Variants in ORMDL3 observed in about 807,000 individuals in gnomAD.
ORMDL3 encodes the protein ORM1-like protein 3.
Under a neutral mutation model 12.6 loss-of-function variants are expected in ORMDL3, and 6 were observed. That is an observed-to-expected ratio of 0.48 (90% confidence interval 0.26 to 0.94). The LOEUF (loss-of-function observed/expected upper bound fraction) is 0.94, where lower values mean the gene tolerates loss of function less well. ORMDL3 is among the 40% of genes least tolerant of loss of function. The pLI is 0.14. For synonymous variants in ORMDL3, 99 were observed against 87.2 expected (o/e 1.14, Z -0.75); for missense variants, 159 against 205.5 (o/e 0.77, Z 1.38).
chr17:39,926,424 A>G (rs2144751828), intron 1 of ORMDL3: 1 of 152,428 alleles, frequency 6.6e-6, no homozygotes, highest in East Asian at 1.9e-4. Context: ...ATGGATACAT[A>G]TCACTTCCAT....
intron 1 of ORMDL3, chr17:39,925,865 A>T (rs1184657957): frequency 6.6e-6 from 1 of 152,248 alleles, no homozygotes; most frequent in Non-Finnish European, 1.5e-5. Flanking sequence ...AAATTCAAGT[A>T]TCTAGAAAGC....
intron 1 of ORMDL3, chr17:39,925,462 G>A (rs1263122626): frequency 1.3e-5 from 2 of 152,188 alleles, no homozygotes; most frequent in African/African-American, 4.8e-5. Context: ...AAGACCGTAA[G>A]GTCATCACCA....
intron 1 of ORMDL3, 95 bp downstream of exon 1, chr17:39,927,389 C>T (rs1978491272): frequency 1.0e-6 from 1 of 952,584 alleles, no homozygotes; most frequent in African/African-American, 1.8e-5. Context: ...CCCTCTGCCC[C>T]CGTCTCTCCA....
rs1978295351 is a variant in ORMDL3, at chr17:39,921,503, G to A, written c.*1047C>T. 1 of 152,388 alleles carries A rather than the reference G, an allele frequency of 6.6e-6. No individual in the cohort carries two copies. The allele number at this position is 152,388 out of a possible 1,614,324, so 9.4% of individuals were successfully genotyped here. ...CCTGCCCAGTGCCAGTCTGTATGAGGAAGTTAAGGGGTGAGGGCCTGCAGA... is the reference window on the plus strand; with the variant it reads ...CCTGCCCAGTGCCAGTCTGTATGAGAAAGTTAAGGGGTGAGGGCCTGCAGA... On this transcript the variant is annotated 3_prime_UTR_variant, in exon 4 of 4. Coordinates refer to ENST00000304046, the MANE Select transcript of ORMDL3 (RefSeq NM_139280.4).
chr17:39,924,237 C>G lies in ORMDL3; in HGVS notation c.-22-12G>C, dbSNP rs748865355. 103 of 1,573,822 alleles carry G rather than the reference C, an allele frequency of 6.5e-5. No homozygotes were observed. The highest frequency in any genetic ancestry group is 8.6e-5 in the Non-Finnish European group (100 of 1,158,360). On this transcript the variant is annotated splice_polypyrimidine_tract_variant and intron_variant, in intron 1 of 3. Transcript: ENST00000304046. Reference sequence around the variant, plus strand: ...CCCTCTCTGCTGTTCTGCAAACAAGCAGCACAGGTCAGACAGGTCACACTG... The same window carrying G: ...CCCTCTCTGCTGTTCTGCAAACAAGGAGCACAGGTCAGACAGGTCACACTG...
rs1356022495 is a variant in ORMDL3, at chr17:39,921,227, TG to T, written c.*1322del. 6.5e-6 allele frequency: 1 copy of T among 152,716 alleles called. No homozygotes were observed. The highest frequency in any genetic ancestry group is 2.4e-5 in the African/African-American group (1 of 41,446). 9.5% of individuals were successfully genotyped at this position (152,716 alleles called of 1,614,324 possible). A position where few individuals can be genotyped will look rare whatever the true frequency, so the allele number is the denominator to read the frequency against. The stretch of plus-strand genomic sequence containing the variant: ...GACCTCTCCCGTTCCCTTGGACCCC[TG>T]GAAGAGGACACAGGGACCCACACCT... On this transcript the variant is annotated 3_prime_UTR_variant, in exon 4 of 4. Coordinates refer to ENST00000304046, the MANE Select transcript of ORMDL3 (RefSeq NM_139280.4).
At position 39,924,098 on chromosome 17, in the gene ORMDL3, C is replaced by A; in HGVS notation, c.106G>T (p.Val36Leu). Residue 36 changes from valine to leucine, a missense_variant, in exon 2 of 4, where the codon GTG becomes TTG. By Grantham distance (32) the Val-to-Leu change is conservative. Coordinates refer to ENST00000304046, the MANE Select transcript of ORMDL3 (RefSeq NM_139280.4). ...YVLAIGLLHI[V>L]LLSIPFVSVP... ...CTCACAAACGGGATGCTCAGCAGCACGATGTGGAGGAGACCGATGGCCAGC... is the reference window on the plus strand; with the variant it reads ...CTCACAAACGGGATGCTCAGCAGCAAGATGTGGAGGAGACCGATGGCCAGC... 1 of 1,614,034 alleles carries A rather than the reference C, an allele frequency of 6.2e-7. No individual in the cohort carries two copies. The highest frequency in any genetic ancestry group is 8.5e-7 in the Non-Finnish European group (1 of 1,179,960).
chr17:39,923,011 T>A (rs990560942), intron 3 of ORMDL3, 101 bp downstream of exon 3: 2 of 1,478,408 alleles, frequency 1.4e-6, no homozygotes, highest in Non-Finnish European at 1.9e-6. Context: ...TGTTCATCCC[T>A]ACACCAGGAG....
intron 2 of ORMDL3, 132 bp downstream of exon 2, chr17:39,923,898 G>A: frequency 1.1e-6 from 1 of 915,608 alleles, no homozygotes. Flanking sequence ...GGGCTCTGGA[G>A]GCAGATGTCG....
At chr17:39,923,484 C>T (rs567092433) in intron 2 of ORMDL3, among the ~76,000 whole-genome samples, 5 of 151,448 alleles carry the variant, frequency 3.3e-5, no homozygotes, top group Middle Eastern at 3.5e-3. Flanking sequence ...TGAGAATGCA[C>T]GGTGGAAGTT....
At position 39,924,015 on chromosome 17, in the gene ORMDL3, C is replaced by T; in HGVS notation, c.174+15G>A. Reference sequence around the variant, plus strand: ...CAGGGGCAGGGGCAGGGGCAGGCAGCAGACAGGCTCTCACCATGTTGTGAA... The same window carrying T: ...CAGGGGCAGGGGCAGGGGCAGGCAGTAGACAGGCTCTCACCATGTTGTGAA... On this transcript the variant is annotated intron_variant, in intron 2 of 3. Coordinates refer to ENST00000304046, the MANE Select transcript of ORMDL3 (RefSeq NM_139280.4). The T allele has an allele frequency of 6.3e-7, 1 of 1,582,666 alleles. No homozygotes were observed.
intron 1 of ORMDL3, chr17:39,926,621 T>A (rs1402748702): frequency 8.0e-6 from 2 of 249,136 alleles, no homozygotes; most frequent in Non-Finnish European, 1.3e-5. Flanking sequence ...GCAGCAACTC[T>A]GTTGTGTTAA....
chr17:39,926,554 T>C (rs12603332), intron 1 of ORMDL3: 76,017 of 155,016 alleles, frequency 0.49, 19,086 homozygotes, highest in East Asian at 0.72. Flanking sequence ...AGCTGGCAGG[T>C]GGCTGCTTAG....
Position 39,927,415 on chromosome 17 carries a change from C to G in ORMDL3, c.-23+69G>C, listed in dbSNP as rs560257660. 4 of 985,148 alleles carry G rather than the reference C, an allele frequency of 4.1e-6. No homozygotes were observed. The South Asian group carries it at 1.4e-4, about 35-fold the overall frequency. 61.0% of individuals were successfully genotyped at this position (985,148 alleles called of 1,614,324 possible). A position where few individuals can be genotyped will look rare whatever the true frequency, so the allele number is the denominator to read the frequency against. On this transcript the variant is annotated intron_variant, in intron 1 of 3. Coordinates refer to ENST00000304046, the MANE Select transcript of ORMDL3 (RefSeq NM_139280.4). The stretch of plus-strand genomic sequence containing the variant: ...CGTCTCTCCAGCCCGGGGCGCCTCC[C>G]CAGCAGCCCCCACCTTCTCTCCCGC...
At chr17:39,927,343 AC>A in intron 1 of ORMDL3, 140 bp downstream of exon 1, 1 of 496,286 alleles carries the variant, frequency 2.0e-6, no homozygotes, top group Admixed American at 7.5e-5. Context: ...CAGCCGATGC[AC>A]CCCCTCGGCT....
In ORMDL3 at chr17:39,921,758, AT is replaced by A. The variant is rs1432641486; in HGVS notation, c.*791del. On this transcript the variant is annotated 3_prime_UTR_variant, in exon 4 of 4. Transcript: ENST00000304046. ...CCTCCCTGCCCACATCCCAAAGGAGATTGGGTCTAGCTTCTGTCCCTACCCC... is the reference window on the plus strand; with the variant it reads ...CCTCCCTGCCCACATCCCAAAGGAGATGGGTCTAGCTTCTGTCCCTACCCC... 1.3e-5 allele frequency: 2 copies of A among 152,364 alleles called. No homozygotes were observed. Among genetic ancestry groups the A allele is most frequent in the African/African-American group, 4.8e-5 (2 of 41,406 alleles). The allele number at this position is 152,364 out of a possible 1,614,324, so 9.4% of individuals were successfully genotyped here. A position where few individuals can be genotyped will look rare whatever the true frequency, so the allele number is the denominator to read the frequency against.
chr17:39,924,135 C>A lies in ORMDL3; in HGVS notation c.69G>T (p.Trp23Cys), dbSNP rs1260047624. ...NTRVMNSRGI[W>C]LSYVLAIGLL... ...GACCGATGGCCAGCACGTAGGAGAG[C>A]CAGATGCCACGGCTGTTCATCACCC... Residue 23 changes from tryptophan (W) to cysteine (C), a missense_variant, in exon 2 of 4, where the codon TGG becomes TGT. Physicochemically the swap from Trp to Cys is radical, Grantham distance 215. Transcript: ENST00000304046. 3 of 1,614,012 alleles carry A rather than the reference C, an allele frequency of 1.9e-6. No homozygotes were observed. The highest frequency in any genetic ancestry group is 1.3e-5 in the African/African-American group (1 of 74,922).
At chr17:39,923,084 G>A (rs1230588981) in intron 3 of ORMDL3, 28 bp downstream of exon 3, 3 of 1,613,572 alleles carry the variant, frequency 1.9e-6, no homozygotes, top group Admixed American at 1.7e-5. Flanking sequence ...CCTGCCTGCT[G>A]GTGTCTTCCT....
In ORMDL3 at chr17:39,922,147, C is replaced by G. The variant is rs750860352; in HGVS notation, c.*403G>C. 6.2e-6 allele frequency: 1 copy of G among 162,512 alleles called. No homozygotes were observed. Among genetic ancestry groups the G allele is most frequent in the Non-Finnish European group, 1.3e-5 (1 of 74,604 alleles). The allele number at this position is 162,512 out of a possible 1,614,324, so 10.1% of individuals were successfully genotyped here. ...CAGTGAAACAATCCAGAAGCCGTAC[C>G]GCCCTCTGCTCCCTATGCAGGGGTT... On this transcript the variant is annotated 3_prime_UTR_variant, in exon 4 of 4. Transcript: ENST00000304046.
Sources: allele counts gnomAD v4.1 joint callset (sites outside exome capture counted in the v4.1 genomes callset), GRCh38; gene constraint gnomAD v4.1.1; transcripts MANE v1.5; gene names NCBI Gene and HGNC (gene_info 2026-07-23, HGNC 2026-07-21).